The following HELZ variants were observed in gnomAD, a reference collection of about 807,000 sequenced individuals.
HELZ encodes the protein helicase with zinc finger.
In HELZ, 23 loss-of-function variants were observed where a neutral mutation model predicts 218.2. The observed-to-expected ratio is 0.11, with a 90% CI of 0.08 to 0.15. HELZ has a LOEUF of 0.15. HELZ is among the 10% of genes least tolerant of loss of function. The probability of loss-of-function intolerance (pLI) is 1.00; values close to 1 mark genes in which losing one functional copy is unlikely to be tolerated. For missense variants in HELZ, 1,813 were observed against 2,353.7 expected, an observed-to-expected ratio of 0.77 and a Z score of 4.75; for synonymous variants, 814 against 829.4, an observed-to-expected ratio of 0.98 and a Z score of 0.32.
intron 17 of HELZ, among the ~76,000 whole-genome samples, chr17:67,158,798 C>A (rs1223421957): frequency 6.6e-6 from 1 of 152,058 alleles, no homozygotes; most frequent in Non-Finnish European, 1.5e-5. Flanking sequence ...TCTAGATGCA[C>A]CACATGTTTG....
At chr17:67,181,343 C>T (rs76397613) in intron 12 of HELZ, among the ~76,000 whole-genome samples, 5,332 of 152,238 alleles carry the variant, frequency 0.035, 138 homozygotes, top group Non-Finnish European at 0.058. Flanking sequence ...GATTCACCTA[C>T]CTAATATACA....
chr17:67,112,412 C>T (rs796253984), intron 28 of HELZ, among the ~76,000 whole-genome samples: 3 of 152,328 alleles, frequency 2.0e-5, no homozygotes, highest in African/African-American at 7.2e-5. Context: ...ACTATATGTG[C>T]TGCTGGTGCA....
At chr17:67,179,993 G>A (rs1472873543) in intron 12 of HELZ, among the ~76,000 whole-genome samples, 2 of 152,056 alleles carry the variant, frequency 1.3e-5, no homozygotes, top group African/African-American at 4.8e-5. Context: ...TTATAAACAT[G>A]AGCCTAGTCA....
chr17:67,196,888 C>A (rs2040045694), intron 7 of HELZ, among the ~76,000 whole-genome samples: 1 of 152,096 alleles, frequency 6.6e-6, no homozygotes, highest in Non-Finnish European at 1.5e-5. Context: ...CAAATCTTGT[C>A]CAAACAGGTC....
At chr17:67,224,671 C>A in intron 3 of HELZ, 1 of 706,536 alleles carries the variant, frequency 1.4e-6, no homozygotes, top group Non-Finnish European at 2.5e-6. Context: ...ATATATGATT[C>A]TTCTGTGTCT....
chr17:67,111,523 C>A (rs2143768613), intron 28 of HELZ, among the ~76,000 whole-genome samples: 1 of 152,282 alleles, frequency 6.6e-6, no homozygotes, highest in South Asian at 2.1e-4. Context: ...AAAAACAGAA[C>A]AAGCAGCTTG....
rs769772899 is a variant in HELZ at position 67,108,749 on chromosome 17, T to G, written c.4490-23A>C. On this transcript the variant is annotated intron_variant, in intron 29 of 32. Transcript: ENST00000358691. The surrounding 1 kb of genome is among the most constrained non-coding windows in gnomAD (Gnocchi z 4.1). ...GATCTGCAAAAATATTTGTGAAAAA[T>G]TTTTTATGAATTTGGGGTTTCAAGT... 2 of 1,520,922 alleles carry G rather than the reference T, an allele frequency of 1.3e-6. No homozygotes were observed. Among genetic ancestry groups the G allele is most frequent in the Non-Finnish European group, 1.8e-6 (2 of 1,124,658 alleles). The allele number at this position is 1,520,922 out of a possible 1,614,324, so 94.2% of individuals were successfully genotyped here.
chr17:67,212,264 G>A (rs773120245), intron 5 of HELZ, among the ~76,000 whole-genome samples: 2 of 123,582 alleles, frequency 1.6e-5, no homozygotes, highest in African/African-American at 6.1e-5. Flanking sequence ...GCAGTGAGCC[G>A]AGATCGCACC....
intron 32 of HELZ, among the ~76,000 whole-genome samples, 178 bp downstream of exon 32, chr17:67,086,625 AATATAAATATATATATATATATATAT>A (rs1341700479): frequency 5.2e-5 from 2 of 38,548 alleles, no homozygotes; most frequent in African/African-American, 2.2e-4. Context: ...AATAAATATA[AATATAAATATATATATATATATATAT>A]ATATATATAT....
At chr17:67,176,975 G>A (rs2039477074) in intron 13 of HELZ, among the ~76,000 whole-genome samples, 1 of 144,710 alleles carries the variant, frequency 6.9e-6, no homozygotes, top group East Asian at 2.0e-4. Context: ...CAACTATTCA[G>A]TTTCTCTTTT....
At chr17:67,227,846 T>G (rs1465255915) in intron 3 of HELZ, among the ~76,000 whole-genome samples, 1 of 152,248 alleles carries the variant, frequency 6.6e-6, no homozygotes, top group Non-Finnish European at 1.5e-5. Context: ...TCAGCTATAT[T>G]CCTCAAATTA....
chr17:67,135,430 A>G (rs1233591819), intron 23 of HELZ, among the ~76,000 whole-genome samples: 2 of 152,186 alleles, frequency 1.3e-5, no homozygotes, highest in African/African-American at 2.4e-5. Context: ...TTCTTCCTGG[A>G]GCACTTTTAA....
intron 7 of HELZ, among the ~76,000 whole-genome samples, chr17:67,199,267 C>T (rs964778482): frequency 1.4e-5 from 2 of 138,538 alleles, no homozygotes; most frequent in African/African-American, 5.3e-5. Flanking sequence ...GGCTGGAATA[C>T]AGTGGTGCAA....
chr17:67,070,642 G>A lies in HELZ; in HGVS notation c.*7610C>T, dbSNP rs761990950. 1 of 152,042 alleles carries A rather than the reference G, an allele frequency of 6.6e-6. No homozygotes were observed. Among genetic ancestry groups the A allele is most frequent in the East Asian group, 1.9e-4 (1 of 5,194 alleles). The allele number at this position is 152,042 out of a possible 1,614,324, so 9.4% of individuals were successfully genotyped here. ...CCAAAACTAAGTTAGAAAAGATAAAGACAAAGAAAGAAGAAAATAAAAACC... is the reference window on the plus strand; with the variant it reads ...CCAAAACTAAGTTAGAAAAGATAAAAACAAAGAAAGAAGAAAATAAAAACC... On this transcript the variant is annotated 3_prime_UTR_variant, in exon 33 of 33. Transcript: ENST00000358691.
chr17:67,238,283 G>C (rs1453212822), intron 3 of HELZ, among the ~76,000 whole-genome samples: 1 of 148,124 alleles, frequency 6.8e-6, no homozygotes, highest in Non-Finnish European at 1.5e-5. Flanking sequence ...GGAGGCAGAG[G>C]TTGCAGTGAG....
intron 11 of HELZ, 95 bp downstream of exon 11, chr17:67,189,493 AT>A: frequency 4.2e-6 from 3 of 718,198 alleles, no homozygotes; most frequent in Non-Finnish European, 7.3e-6. Context: ...AGATTAAAAT[AT>A]TTTCAATATT....
At chr17:67,149,565 C>A (rs1233702401) in intron 19 of HELZ, among the ~76,000 whole-genome samples, 1 of 151,906 alleles carries the variant, frequency 6.6e-6, no homozygotes, top group African/African-American at 2.4e-5. Context: ...CAGGAATGAT[C>A]ATTTAAATTT....
At chr17:67,152,768 A>T (rs761598097) in intron 17 of HELZ, among the ~76,000 whole-genome samples, 3 of 31,492 alleles carry the variant, frequency 9.5e-5, no homozygotes, top group South Asian at 2.9e-3. Context: ...GAGTAGATTT[A>T]AAAAAAAAAA....
intron 6 of HELZ, among the ~76,000 whole-genome samples, chr17:67,201,823 C>A (rs1046656659): frequency 6.6e-6 from 1 of 152,092 alleles, no homozygotes; most frequent in Non-Finnish European, 1.5e-5. Context: ...CTACTTAGAA[C>A]TAAATAGCTA....
Sources: gnomAD v4.1 joint callset for allele counts (sites outside exome capture counted in the v4.1 genomes callset) on GRCh38, gnomAD v4.1.1 for gene constraint, Gnocchi (gnomAD v3.1) non-coding constraint, MANE v1.5 for transcripts, NCBI Gene and HGNC (gene_info 2026-07-23, HGNC 2026-07-21) for gene names.